HDAC9: variants seen among roughly 807,000 people sequenced by gnomAD.
HDAC9 encodes the protein MEF-2 interacting transcription repressor (MITR) protein.
Under a neutral mutation model 139.4 loss-of-function variants are expected in HDAC9, and 41 were observed. That is an observed-to-expected ratio of 0.29 (90% CI 0.23 to 0.38). The LOEUF is 0.38. Ranked by LOEUF, HDAC9 falls within the 10% of genes least tolerant of loss-of-function variation. HDAC9 has a pLI of 1.00. For synonymous variants in HDAC9, 517 were observed against 476.2 expected, an observed-to-expected ratio of 1.09 and a Z score of -1.12; for missense variants, 1,147 against 1,297.0, an observed-to-expected ratio of 0.88 and a Z score of 1.78.
rs941000130 is a variant in HDAC9, at chr7:18,577,398, G to A, written c.23-7883G>A. Among the ~76,000 whole-genome samples, 6 of 152,284 alleles carry A rather than the reference G, an allele frequency of 3.9e-5. No individual in the cohort carries two copies. The East Asian group carries it at 1.2e-3, about 29-fold the overall frequency. On this transcript the variant is annotated intron_variant, in intron 2 of 25. Transcript: ENST00000686413. ...CTGTGTTTTTGGTGGCATAGGGAGG[G>A]TTAGGCAAACATGCTTTCTTTGTGA...
chr7:18,443,516 T>G (rs1791986524), intron 1 of HDAC9, among the ~76,000 whole-genome samples: 1 of 152,174 alleles, frequency 6.6e-6, no homozygotes, highest in African/African-American at 2.4e-5. Flanking sequence ...TTAAAAAGTC[T>G]TGTCTTTTCA....
chr7:18,291,196 A>G (rs1467858327), intron 1 of HDAC9, among the ~76,000 whole-genome samples: 2 of 152,126 alleles, frequency 1.3e-5, no homozygotes, highest in African/African-American at 2.4e-5. Context: ...TCAGCAATAT[A>G]AAGTTTAGAG....
chr7:18,779,163 T>C (rs1791031698), intron 16 of HDAC9, among the ~76,000 whole-genome samples: 1 of 152,084 alleles, frequency 6.6e-6, no homozygotes, highest in Non-Finnish European at 1.5e-5. Flanking sequence ...GAATGGGCTG[T>C]CATTCATGTC....
intron 2 of HDAC9, among the ~76,000 whole-genome samples, chr7:18,173,082 G>A (rs1478676917): frequency 1.3e-5 from 2 of 152,156 alleles, no homozygotes; most frequent in African/African-American, 2.4e-5. Context: ...TTGTGAGGGA[G>A]TCCAAGTCTC....
intron 22 of HDAC9, among the ~76,000 whole-genome samples, chr7:18,911,322 G>C (rs950448862): frequency 6.6e-6 from 1 of 151,566 alleles, no homozygotes; most frequent in Non-Finnish European, 1.5e-5. Flanking sequence ...TGTATAGTTG[G>C]TGTCAGTTGT....
Position 18,311,091 on chromosome 7 carries a change from AGGTGATGAT to A in HDAC9, c.-42+20578_-42+20586del, listed in dbSNP as rs894061094. On this transcript the variant is annotated intron_variant, in intron 1 of 3. Transcript: ENST00000413509. ...TTGTTTACCTCTCAGTTCTGGAGAG[AGGTGATGAT>A]GATGATGATGATGATGACAAAAATA... 1.6e-4 allele frequency among the ~76,000 whole-genome samples: 3 copies of A among 18,238 alleles called. No homozygotes were observed. The Admixed American group carries it at 2.1e-3, about 13-fold the overall frequency. 12.0% of individuals were successfully genotyped at this position (18,238 alleles called of 152,430 possible).
intron 2 of HDAC9, among the ~76,000 whole-genome samples, chr7:18,248,585 TCTA>T (rs765270414): frequency 4.6e-5 from 7 of 152,218 alleles, no homozygotes; most frequent in Non-Finnish European, 1.0e-4. Context: ...CGCATGCTAC[TCTA>T]CTATTTCATT....
Position 18,553,352 on chromosome 7 carries a change from A to C in HDAC9, c.23-31929A>C, listed in dbSNP as rs111926660. Among the ~76,000 whole-genome samples the C allele has an allele frequency of 7.2e-3, 1,103 of 152,240 alleles. 11 individuals are homozygous for C. The highest frequency in any genetic ancestry group is 0.025 in the African/African-American group (1,041 of 41,544). ...GTTTTTAGGGTGCTTTTCCCCCCTCAAGAACACTGTGGTTGTCTTAAAGCC... is the reference window on the plus strand; with the variant it reads ...GTTTTTAGGGTGCTTTTCCCCCCTCCAGAACACTGTGGTTGTCTTAAAGCC... On this transcript the variant is annotated intron_variant, in intron 2 of 25. Transcript: ENST00000686413.
At chr7:18,142,925 G>A (rs1227698942) in intron 1 of HDAC9, among the ~76,000 whole-genome samples, 10 of 152,148 alleles carry the variant, frequency 6.6e-5, no homozygotes, top group Admixed American at 3.9e-4. Context: ...ATAACCTTCC[G>A]TTGTAACAGC....
chr7:18,353,493 C>T (rs544125608), intron 1 of HDAC9, among the ~76,000 whole-genome samples: 2 of 152,306 alleles, frequency 1.3e-5, no homozygotes, highest in Admixed American at 6.5e-5. Flanking sequence ...TCTTCCCTCC[C>T]TCTGTGCCTC....
At chr7:18,305,074 G>C (rs944059665) in intron 1 of HDAC9, among the ~76,000 whole-genome samples, 4 of 152,156 alleles carry the variant, frequency 2.6e-5, no homozygotes, top group African/African-American at 4.8e-5. Context: ...CTTCAGGGCA[G>C]GAAGACCTTC....
At chr7:18,644,250 T>C (rs1345303805) in intron 8 of HDAC9, among the ~76,000 whole-genome samples, 1 of 152,092 alleles carries the variant, frequency 6.6e-6, no homozygotes, top group African/African-American at 2.4e-5. Context: ...AGTTTTCCCA[T>C]CAATAAAATG....
intron 22 of HDAC9, among the ~76,000 whole-genome samples, chr7:18,902,347 C>G (rs768937757): frequency 1.3e-5 from 2 of 152,120 alleles, no homozygotes; most frequent in Non-Finnish European, 2.9e-5. Context: ...GGAGAGTCAT[C>G]ATGGTGAGAT....
intron 1 of HDAC9, among the ~76,000 whole-genome samples, chr7:18,440,391 G>A (rs1318403501): frequency 6.6e-6 from 1 of 151,652 alleles, no homozygotes; most frequent in African/African-American, 2.4e-5. Context: ...CTCCATGTTG[G>A]TCAGGCTGGT....
intron 23 of HDAC9, among the ~76,000 whole-genome samples, chr7:18,944,001 A>C (rs1398187859): frequency 6.6e-6 from 1 of 152,160 alleles, no homozygotes; most frequent in East Asian, 1.9e-4. Context: ...TAATGACTTC[A>C]AACAAATAAA....
chr7:18,378,951 A>G (rs896225495), intron 1 of HDAC9, among the ~76,000 whole-genome samples: 2 of 152,164 alleles, frequency 1.3e-5, no homozygotes, highest in Admixed American at 6.5e-5. Flanking sequence ...TGGGCACATC[A>G]GTTTTACTTA....
At chr7:18,728,748 T>C (rs1480950501) in intron 13 of HDAC9, among the ~76,000 whole-genome samples, 1 of 152,206 alleles carries the variant, frequency 6.6e-6, no homozygotes, top group Non-Finnish European at 1.5e-5. Flanking sequence ...AAAAGTTAAA[T>C]CTATTTTCTA....
rs1266061286 is a variant in HDAC9, at chr7:18,165,818, G to T, written c.25+3469G>T. Among the ~76,000 whole-genome samples, 3 of 150,926 alleles carry T rather than the reference G, an allele frequency of 2.0e-5. No individual in the cohort carries two copies. The East Asian group carries it at 5.8e-4, about 29-fold the overall frequency. ...TGTCTCAAAAAAAAAAAAAAAGAAA[G>T]AAAGAAAGCTAACACAGTGGAAACC... On this transcript the variant is annotated intron_variant, in intron 2 of 12. Transcript: ENST00000417496.
At position 18,972,369 on chromosome 7, in the gene HDAC9, CTTTTTTTTTTTT is replaced by C. The variant is rs199909134; in HGVS notation, c.3023-3419_3023-3408del. Among the ~76,000 whole-genome samples, 881 of 94,876 alleles carry C rather than the reference CTTTTTTTTTTTT, an allele frequency of 9.3e-3. 8 individuals carry two copies. The highest frequency in any genetic ancestry group is 0.022 in the African/African-American group (575 of 26,168). The allele number at this position is 94,876 out of a possible 152,430, so 62.2% of individuals were successfully genotyped here. A position where few individuals can be genotyped will look rare whatever the true frequency, so the allele number is the denominator to read the frequency against. On this transcript the variant is annotated intron_variant, in intron 24 of 25. Transcript: ENST00000686413. ...TTAGCTCAATTTTCGATGAACTTCT[CTTTTTTTTTTTT>C]TTTTTTTTTTTTTTTTTGAGATGGA...
Sources: gnomAD v4.1 joint callset for allele counts (sites outside exome capture counted in the v4.1 genomes callset) on GRCh38, gnomAD v4.1.1 for gene constraint, MANE v1.5 for transcripts, NCBI Gene and HGNC (gene_info 2026-07-23, HGNC 2026-07-21) for gene names.